The following PPP2R2C variants were observed in gnomAD, a reference collection of about 807,000 sequenced individuals.
PPP2R2C encodes the protein protein phosphatase 2 regulatory subunit Bgamma, also known as protein phosphatase 2, regulatory subunit B, gamma.
PPP2R2C carries 10 observed loss-of-function variants against 45.3 expected under a neutral mutation model. The ratio of observed to expected loss-of-function variants is 0.22; its 90% CI spans 0.14 to 0.37. PPP2R2C has a LOEUF of 0.37. Ranked by LOEUF, PPP2R2C falls within the 10% of genes least tolerant of loss-of-function variation. The pLI is 1.00. For missense variants in PPP2R2C, 308 were observed against 619.7 expected, an observed-to-expected ratio of 0.50 and a Z score of 5.34; for synonymous variants, 257 against 245.4, an observed-to-expected ratio of 1.05 and a Z score of -0.44.
At chr4:6,348,154 C>T (rs949104383) in intron 5 of PPP2R2C, 144 bp from the exon 6 acceptor site, 16 of 933,314 alleles carry the variant, frequency 1.7e-5, no homozygotes, top group African/African-American at 4.9e-5. Context: ...CCTCAAAATG[C>T]GTCCCCCTGA....
At chr4:6,391,419 C>A (rs1716632548) in intron 1 of PPP2R2C, among the ~76,000 whole-genome samples, 1 of 152,220 alleles carries the variant, frequency 6.6e-6, no homozygotes, top group Non-Finnish European at 1.5e-5. Context: ...ATCCTCTGCA[C>A]ACGCGCTGGG....
rs1389273972 is a variant in PPP2R2C, at chr4:6,469,656, AG to A, written c.70+2503del. Among the ~76,000 whole-genome samples the A allele has an allele frequency of 2.6e-5, 4 of 152,322 alleles. No individual in the cohort carries two copies. In the East Asian group the frequency reaches 7.7e-4, roughly 29 times the overall value. On this transcript the variant is annotated intron_variant, in intron 1 of 8. Transcript: ENST00000382599. ...TACAAAGGGAAAGTGAAGCTCAGGA[AG>A]GTGTAGTAACTTGTCCAAGGCTGCA...
chr4:6,554,942 A>AAGG (rs1725325113), intron 1 of PPP2R2C, among the ~76,000 whole-genome samples: 11 of 104,902 alleles, frequency 1.0e-4, no homozygotes, highest in African/African-American at 3.8e-4. Context: ...AAAGAAAGAA[A>AAGG]GAAAGAAAGA....
At chr4:6,395,226 C>G (rs1468925300) in intron 1 of PPP2R2C, among the ~76,000 whole-genome samples, 1 of 152,188 alleles carries the variant, frequency 6.6e-6, no homozygotes, top group Non-Finnish European at 1.5e-5. Flanking sequence ...CTCTCGCTCT[C>G]CACTCCTAAC....
intron 2 of PPP2R2C, among the ~76,000 whole-genome samples, chr4:6,530,708 G>T (rs1724368429): frequency 6.6e-6 from 1 of 152,176 alleles, no homozygotes; most frequent in African/African-American, 2.4e-5. Context: ...AATGGACACT[G>T]CCCCATCCCC....
intron 2 of PPP2R2C, among the ~76,000 whole-genome samples, chr4:6,512,179 A>G (rs1226855546): frequency 1.8e-4 from 4 of 22,458 alleles, no homozygotes; most frequent in Admixed American, 4.5e-4. Flanking sequence ...GATGGTGCTG[A>G]TGGTGGTGGT....
Position 6,347,710 on chromosome 4 carries a change from G to C in PPP2R2C, c.790+136C>G, listed in dbSNP as rs147276957. ...ACCAGCCAGCGCTGAAGCAGCAATG[G>C]GCCCACCCACCTTGGCCAGTCCAGG... On this transcript the variant is annotated intron_variant, in intron 6 of 8. Transcript: ENST00000382599. The C allele has an allele frequency of 7.7e-5, 90 of 1,169,534 alleles. No homozygotes were observed. In the African/African-American group the frequency reaches 1.1e-3, roughly 14 times the overall value. 72.4% of individuals were successfully genotyped at this position (1,169,534 alleles called of 1,614,324 possible).
chr4:6,455,392 A>G (rs1013778029), intron 1 of PPP2R2C, among the ~76,000 whole-genome samples: 2 of 152,128 alleles, frequency 1.3e-5, no homozygotes, highest in Admixed American at 1.3e-4. Flanking sequence ...CAGCAGTGGG[A>G]GAAGCTCTCT....
In PPP2R2C at chr4:6,326,872, C is replaced by T. The variant is rs550979607; in HGVS notation, c.1052+2390G>A. 4.6e-5 allele frequency among the ~76,000 whole-genome samples: 7 copies of T among 152,314 alleles called. No homozygotes were observed. In the South Asian group the frequency reaches 6.2e-4, roughly 14 times the overall value. ...GCGGCAGCAGCGGCGCTCTGCGGGC[C>T]GGACCAACTGTCAGAGGGGGTCACC... On this transcript the variant is annotated intron_variant, in intron 8 of 8. Coordinates refer to ENST00000382599, the MANE Select transcript of PPP2R2C (RefSeq NM_020416.4).
rs771046609 is a variant in PPP2R2C at position 6,539,699 on chromosome 4, G to C, written c.-58-4322C>G. Among the ~76,000 whole-genome samples the C allele has an allele frequency of 6.0e-4, 91 of 152,206 alleles. 1 individual carries two copies. The highest frequency in any genetic ancestry group is 1.0e-3 in the Non-Finnish European group (69 of 68,034). On this transcript the variant is annotated intron_variant, in intron 1 of 9. Transcript: ENST00000506140. ...AGGGTGGCAAGTGCGTGGGGAAATGGAAGAATCAGATCTGGGGTTTGCTGA... is the reference window on the plus strand; with the variant it reads ...AGGGTGGCAAGTGCGTGGGGAAATGCAAGAATCAGATCTGGGGTTTGCTGA...
At chr4:6,369,055 CAT>C (rs1413960863) in intron 5 of PPP2R2C, among the ~76,000 whole-genome samples, 2 of 152,240 alleles carry the variant, frequency 1.3e-5, no homozygotes, top group Non-Finnish European at 2.9e-5. Flanking sequence ...CATTGAAGCA[CAT>C]GTTTACCTCC....
intron 2 of PPP2R2C, among the ~76,000 whole-genome samples, chr4:6,513,960 C>T (rs994254448): frequency 4.6e-5 from 7 of 152,348 alleles, no homozygotes; most frequent in African/African-American, 9.6e-5. Flanking sequence ...ATTAAATCAA[C>T]ACTAATTCTG....
intron 2 of PPP2R2C, among the ~76,000 whole-genome samples, chr4:6,533,914 A>AT (rs1439797092): frequency 6.6e-6 from 1 of 152,016 alleles, no homozygotes; most frequent in East Asian, 1.9e-4. Context: ...ACATACACAT[A>AT]TCCCAACACA....
chr4:6,463,125 A>C (rs981441958), intron 1 of PPP2R2C, among the ~76,000 whole-genome samples: 3 of 152,252 alleles, frequency 2.0e-5, no homozygotes, highest in African/African-American at 7.2e-5. Flanking sequence ...AATCATGATC[A>C]TGAAAGAGCT....
At chr4:6,354,358 G>C (rs374992590) in intron 5 of PPP2R2C, among the ~76,000 whole-genome samples, 99 of 152,126 alleles carry the variant, frequency 6.5e-4, no homozygotes, top group South Asian at 6.2e-4. Context: ...AGCATTCCTA[G>C]TCTCTGCCTG....
intron 5 of PPP2R2C, among the ~76,000 whole-genome samples, chr4:6,357,139 C>T (rs886360709): frequency 6.7e-6 from 1 of 148,154 alleles, no homozygotes; most frequent in Admixed American, 6.7e-5. Context: ...TGCTGTGGCA[C>T]CTCGGGTCAG....
At chr4:6,476,128 T>C (rs1302498713), upstream of PPP2R2C, among the ~76,000 whole-genome samples, 1 of 152,166 alleles carries the variant, frequency 6.6e-6, no homozygotes, top group Non-Finnish European at 1.5e-5. Context: ...TTACGCCACT[T>C]ATCCTATCTT....
Position 6,563,477 on chromosome 4 carries a change from T to C in PPP2R2C, c.-59+83A>G, listed in dbSNP as rs1335205933. 6.6e-6 allele frequency: 1 copy of C among 152,534 alleles called. No homozygotes were observed. The highest frequency in any genetic ancestry group is 6.5e-5 in the Admixed American group (1 of 15,270). The allele number at this position is 152,534 out of a possible 1,614,324, so 9.4% of individuals were successfully genotyped here. On this transcript the variant is annotated intron_variant, in intron 1 of 9. Coordinates refer to the PPP2R2C transcript ENST00000506140. This position sits in a 1 kb window ranked among gnomAD's most constrained non-coding sequence, Gnocchi z 5.8. ...GGCCGCGTCCCCGGGCAGGGTGAGG[T>C]CCTGCGGGGCTGGGGGTGAGGCGGG... is the stretch of plus-strand genomic sequence containing the variant.
rs112182178 is a variant in PPP2R2C, at chr4:6,542,709, A to AAAAAAAAAAAAAAAAAAAG, written c.-58-7333_-58-7332insCTTTTTTTTTTTTTTTTTT. Among the ~76,000 whole-genome samples, 6 of 127,834 alleles carry AAAAAAAAAAAAAAAAAAAG rather than the reference A, an allele frequency of 4.7e-5. No homozygotes were observed. The East Asian group carries it at 7.1e-4, about 15-fold the overall frequency. The allele number at this position is 127,834 out of a possible 152,430, so 83.9% of individuals were successfully genotyped here. ...CAGAGCAAGACTCTGTCTCAAAAAA[A>AAAAAAAAAAAAAAAAAAAG]AAAAAGAAAAAGAAAAAAAGATCAT... On this transcript the variant is annotated intron_variant, in intron 1 of 9. Transcript: ENST00000506140.
Sources: gnomAD v4.1 joint callset for allele counts (sites outside exome capture counted in the v4.1 genomes callset) on GRCh38, gnomAD v4.1.1 for gene constraint, Gnocchi (gnomAD v3.1) non-coding constraint, MANE v1.5 for transcripts, NCBI Gene and HGNC (gene_info 2026-07-23, HGNC 2026-07-21) for gene names.